OLA1: variants seen among roughly 807,000 people sequenced by gnomAD.
OLA1 encodes obg-like ATPase 1.
In OLA1, 14 loss-of-function variants were observed where a neutral mutation model predicts 48.4. The observed-to-expected ratio is 0.29, with a 90% confidence interval of 0.19 to 0.45. OLA1 has a LOEUF of 0.45. Ranked by LOEUF, OLA1 falls within the 20% of genes least tolerant of loss-of-function variation. The pLI, the probability that OLA1 is intolerant of heterozygous loss-of-function variation, is 1.00. For synonymous variants in OLA1, 127 were observed against 150.4 expected (o/e 0.84, Z 1.14); for missense variants, 325 against 467.1 (o/e 0.70, Z 2.80).
intron 5 of OLA1, among the ~76,000 whole-genome samples, chr2:174,128,054 T>C (rs1456187266): frequency 1.3e-5 from 2 of 151,490 alleles, no homozygotes; most frequent in Non-Finnish European, 1.5e-5. Flanking sequence ...ACTATAGTAA[T>C]TAGAATAGTA....
chr2:174,247,573 C>A, intron 1 of OLA1: 1 of 1,511,054 alleles, frequency 6.6e-7, no homozygotes, highest in Non-Finnish European at 8.9e-7. Flanking sequence ...CACCAGCAGC[C>A]AAGTCACCCT....
rs375901569 is a variant in OLA1 at position 174,209,994 on chromosome 2, T to C, written c.373+13039A>G. Among the ~76,000 whole-genome samples, 10 of 152,154 alleles carry C rather than the reference T, an allele frequency of 6.6e-5. No individual in the cohort carries two copies. The East Asian group carries it at 9.7e-4, about 15-fold the overall frequency. On this transcript the variant is annotated intron_variant, in intron 4 of 10. Transcript: ENST00000284719. ...TAGCTGCTAAAAAATAAAGTATCAA[T>C]ATTGACAAGGAAAGATGAAAAAATT...
At chr2:174,229,585 C>T in intron 2 of OLA1, 134 bp from the exon 3 acceptor site, 1 of 648,726 alleles carries the variant, frequency 1.5e-6, no homozygotes, top group South Asian at 2.2e-5. Context: ...GAAAAAGGAA[C>T]AATACATTTT....
intron 3 of OLA1, among the ~76,000 whole-genome samples, chr2:174,223,424 TATC>T (rs1559013531): frequency 6.6e-6 from 1 of 152,198 alleles, no homozygotes; most frequent in Admixed American, 6.5e-5. Flanking sequence ...TTAAAACTCT[TATC>T]ATTAATTTTA....
chr2:174,154,168 C>T (rs1686814657), intron 4 of OLA1, among the ~76,000 whole-genome samples: 1 of 152,174 alleles, frequency 6.6e-6, no homozygotes, highest in Non-Finnish European at 1.5e-5. Flanking sequence ...TGCACTCAGC[C>T]AATCAATGCT....
At chr2:174,152,708 T>C (rs987955360) in intron 4 of OLA1, among the ~76,000 whole-genome samples, 3 of 152,216 alleles carry the variant, frequency 2.0e-5, no homozygotes, top group Non-Finnish European at 4.4e-5. Flanking sequence ...ATGTAAACTG[T>C]TAATTACTTG....
chr2:174,148,892 A>G (rs1686678185), intron 4 of OLA1, among the ~76,000 whole-genome samples: 2 of 152,016 alleles, frequency 1.3e-5, no homozygotes, highest in South Asian at 4.1e-4. Flanking sequence ...TCAGACCTCA[A>G]TCTATTACAC....
chr2:174,180,543 C>G (rs150059658), intron 4 of OLA1, among the ~76,000 whole-genome samples: 133 of 152,300 alleles, frequency 8.7e-4, no homozygotes, highest in Admixed American at 1.0e-3. Flanking sequence ...TGTGTTATTC[C>G]TCAGATAAGA....
intron 7 of OLA1, among the ~76,000 whole-genome samples, chr2:174,097,937 T>C (rs1574479732): frequency 6.6e-6 from 1 of 152,060 alleles, no homozygotes; most frequent in Non-Finnish European, 1.5e-5. Context: ...CTATTTACCA[T>C]GTGGGGTATA....
intron 7 of OLA1, among the ~76,000 whole-genome samples, chr2:174,118,880 C>G (rs1394850255): frequency 1.3e-5 from 2 of 152,018 alleles, no homozygotes; most frequent in African/African-American, 4.8e-5. Flanking sequence ...TGCATAGGGT[C>G]AGTAGCATTA....
At chr2:174,199,456 G>GGGAGGTGGCAGGATTCAGA (rs1687945691) in intron 4 of OLA1, among the ~76,000 whole-genome samples, 1 of 152,128 alleles carries the variant, frequency 6.6e-6, no homozygotes, top group Admixed American at 6.5e-5. Context: ...GTGGGGGGTT[G>GGGAGGTGGCAGGATTCAGA]GGAGGTGGCA....
chr2:174,151,446 G>C (rs192003653), intron 4 of OLA1, among the ~76,000 whole-genome samples: 4 of 152,236 alleles, frequency 2.6e-5, no homozygotes, highest in Admixed American at 2.6e-4. Flanking sequence ...TTTCCAGTTT[G>C]TCCTACGCGT....
At position 174,226,029 on chromosome 2, in the gene OLA1, C is replaced by A. The variant is rs1242677534; in HGVS notation, c.246-2869G>T. Reference sequence around the variant, plus strand: ...CTAAAACGGTGAAACCCCGTCTCTACTAAAAAAAAATACAAAAAAATTAGC... The same window carrying A: ...CTAAAACGGTGAAACCCCGTCTCTAATAAAAAAAAATACAAAAAAATTAGC... On this transcript the variant is annotated intron_variant, in intron 3 of 10. Coordinates refer to ENST00000284719, the MANE Select transcript of OLA1 (RefSeq NM_013341.5). Among the ~76,000 whole-genome samples the A allele has an allele frequency of 2.2e-5, 2 of 89,554 alleles. 1 individual carries two copies. Among genetic ancestry groups the A allele is most frequent in the African/African-American group, 7.7e-5 (2 of 26,114 alleles). The allele number at this position is 89,554 out of a possible 152,430, so 58.8% of individuals were successfully genotyped here.
At chr2:174,247,855 T>C in intron 1 of OLA1, 1 of 1,474,786 alleles carries the variant, frequency 6.8e-7, no homozygotes, top group Non-Finnish European at 9.2e-7. Flanking sequence ...TGTCTCCAAA[T>C]CATGCGTGCA....
intron 4 of OLA1, among the ~76,000 whole-genome samples, chr2:174,163,704 AT>A (rs1449570366): frequency 0.022 from 1,014 of 45,496 alleles, 57 homozygotes; most frequent in African/African-American, 0.091. Flanking sequence ...AATAAAATAA[AT>A]AAATAAATAT....
intron 4 of OLA1, among the ~76,000 whole-genome samples, chr2:174,151,543 T>C (rs1045328955): frequency 2.0e-5 from 3 of 152,094 alleles, no homozygotes; most frequent in African/African-American, 4.8e-5. Context: ...CCTAAACCAA[T>C]AGAAGATCAA....
chr2:174,209,927 G>C (rs754997794), intron 4 of OLA1, among the ~76,000 whole-genome samples: 15 of 152,110 alleles, frequency 9.9e-5, no homozygotes, highest in Non-Finnish European at 2.1e-4. Flanking sequence ...AATATTATAA[G>C]GAACTATTAA....
At position 174,246,834 on chromosome 2, in the gene OLA1, C is replaced by G; in HGVS notation, c.1-19G>C. 1 of 1,527,272 alleles carries G rather than the reference C, an allele frequency of 6.5e-7. No individual in the cohort carries two copies. Among genetic ancestry groups the G allele is most frequent in the Non-Finnish European group, 9.0e-7 (1 of 1,106,046 alleles). The allele number at this position is 1,527,272 out of a possible 1,614,324, so 94.6% of individuals were successfully genotyped here. A position where few individuals can be genotyped will look rare whatever the true frequency, so the allele number is the denominator to read the frequency against. On this transcript the variant is annotated intron_variant, in intron 1 of 10. Transcript: ENST00000284719. ...GGGGCATCTGAAATACCAAAGCAAA[C>G]ATATGAACAAAACTTTTTACTATCC...
chr2:174,129,196 C>T (rs528867128), intron 5 of OLA1, among the ~76,000 whole-genome samples: 14 of 152,232 alleles, frequency 9.2e-5, no homozygotes, highest in South Asian at 2.1e-4. Flanking sequence ...CAGTGGCTCA[C>T]GCCTGTAATC....
Sources: allele counts gnomAD v4.1 joint callset (sites outside exome capture counted in the v4.1 genomes callset), GRCh38; gene constraint gnomAD v4.1.1; transcripts MANE v1.5; gene names NCBI Gene and HGNC (gene_info 2026-07-23, HGNC 2026-07-21).